Variants in PTCH1 observed in about 807,000 individuals in gnomAD.
PTCH1 encodes protein patched homolog 1.
In PTCH1, 14 loss-of-function variants were observed where a neutral mutation model predicts 144.6. The observed-to-expected ratio is 0.10, with a 90% CI of 0.06 to 0.15. The LOEUF (loss-of-function observed/expected upper bound fraction) is 0.15. Among genes scored for constraint, PTCH1 ranks in the 10% least tolerant of loss-of-function variants. PTCH1 has a pLI of 1.00. For synonymous variants in PTCH1, 833 were observed against 793.6 expected (o/e 1.05, Z -0.83); for missense variants, 1,623 against 1,948.3 (o/e 0.83, Z 3.14).
Position 95,449,389 on chromosome 9 carries a change from C to G in PTCH1, c.3550-66G>C, listed in dbSNP as rs2136604188. ...TTACCTGCTGGCCACACTCAAAGCT[C>G]AAAGCACGGTATTTTTCAGGGGCCT... On this transcript the variant is annotated intron_variant, in intron 21 of 23. Coordinates refer to ENST00000331920, the MANE Select transcript of PTCH1 (RefSeq NM_000264.5). This position sits in a 1 kb window ranked among gnomAD's most constrained non-coding sequence, Gnocchi z 5.3. 1 of 1,534,396 alleles carries G rather than the reference C, an allele frequency of 6.5e-7. No individual in the cohort carries two copies. The highest frequency in any genetic ancestry group is 8.7e-7 in the Non-Finnish European group (1 of 1,144,256).
intron 7 of PTCH1, chr9:95,479,724 C>G (rs1015854991): frequency 8.2e-6 from 5 of 611,406 alleles, no homozygotes; most frequent in Non-Finnish European, 1.1e-5. Flanking sequence ...CTCCTTAAAC[C>G]CTATAGTCAG....
At position 95,486,046 on chromosome 9, in the gene PTCH1, A is replaced by G. The variant is rs2282040; in HGVS notation, c.395-172T>C. Reference sequence around the variant, plus strand: ...ATTAATGGCAATGTTAACTTCACCAATAGTAAACATAAAAAATACTCACTA... The same window carrying G: ...ATTAATGGCAATGTTAACTTCACCAGTAGTAAACATAAAAAATACTCACTA... On this transcript the variant is annotated intron_variant, in intron 2 of 23. Coordinates refer to ENST00000331920, the MANE Select transcript of PTCH1 (RefSeq NM_000264.5). Among the ~76,000 whole-genome samples the G allele has an allele frequency of 0.1, 15,546 of 152,230 alleles. 887 individuals are homozygous for G. Among genetic ancestry groups the G allele is most frequent in the African/African-American group, 0.14 (5,774 of 41,512 alleles).
rs1588614746 is a variant in PTCH1 at position 95,482,208 on chromosome 9, T to C, written c.585-5A>G. On this transcript the variant is annotated splice_region_variant and splice_polypyrimidine_tract_variant and intron_variant, in intron 3 of 23. Transcript: ENST00000331920. The stretch of plus-strand genomic sequence containing the variant: ...AAATGTTCCAATTTCCACTGCCTAA[T>C]AAAATGAAAAGCAGAGACAAAAATT... 6.2e-7 allele frequency: 1 copy of C among 1,613,596 alleles called. No homozygotes were observed. Among genetic ancestry groups the C allele is most frequent in the Middle Eastern group, 1.6e-4 (1 of 6,062 alleles).
chr9:95,469,768 C>T (rs1328130633), intron 13 of PTCH1, 45 bp downstream of exon 13: 2 of 1,518,508 alleles, frequency 1.3e-6, no homozygotes, highest in Non-Finnish European at 1.8e-6. Flanking sequence ...TCTCACAGCA[C>T]CATTCTGCAC....
In PTCH1 at chr9:95,508,512, G is replaced by T; in HGVS notation, c.-151C>A. The T allele has an allele frequency of 9.8e-7, 1 of 1,017,266 alleles. No homozygotes were observed. Among genetic ancestry groups the T allele is most frequent in the South Asian group, 4.5e-5 (1 of 22,216 alleles). The allele number at this position is 1,017,266 out of a possible 1,614,324, so 63.0% of individuals were successfully genotyped here. ...GGCTGCTCGGGCTCGGGCTCCGGTT[G>T]ACAGACCAGCCGCTGCTGCTGCTCA... On this transcript the variant is annotated 5_prime_UTR_variant, in exon 1 of 24. Coordinates refer to ENST00000331920, the MANE Select transcript of PTCH1 (RefSeq NM_000264.5).
intron 2 of PTCH1, among the ~76,000 whole-genome samples, chr9:95,501,064 C>T (rs1464141604): frequency 6.6e-6 from 1 of 152,228 alleles, no homozygotes; most frequent in Middle Eastern, 3.2e-3. Flanking sequence ...GATTAATACT[C>T]TTGCATCTCT....
chr9:95,501,063 T>C (rs182972858), intron 2 of PTCH1, among the ~76,000 whole-genome samples: 3 of 152,360 alleles, frequency 2.0e-5, no homozygotes, highest in African/African-American at 7.2e-5. Flanking sequence ...AGATTAATAC[T>C]CTTGCATCTC....
chr9:95,464,422 T>C (rs1839816420), intron 15 of PTCH1, among the ~76,000 whole-genome samples: 1 of 152,246 alleles, frequency 6.6e-6, no homozygotes, highest in Non-Finnish European at 1.5e-5. Context: ...AGTTCTCCTC[T>C]TATGAATATT....
rs373930674 is a variant in PTCH1 at position 95,478,070 on chromosome 9, G to A, written c.1332C>T (p.Ser444=). 2.5e-5 allele frequency: 41 copies of A among 1,614,194 alleles called. No individual in the cohort carries two copies. In the South Asian group the frequency reaches 2.6e-4, roughly 10 times the overall value. ...FSDVSVIRVA[S]GYLLMLAYAC... ...CGAGCGTTACCATGAGTAAGTAGCC[G>A]CTGGCCACGCGGATGACACTGACGT... The change falls in exon 9 of 24, where the codon AGC becomes AGT. Residue 444 remains serine, a synonymous_variant. Coordinates refer to ENST00000331920, the MANE Select transcript of PTCH1 (RefSeq NM_000264.5).
intron 2 of PTCH1, among the ~76,000 whole-genome samples, chr9:95,502,940 T>C (rs1284157718): frequency 6.6e-6 from 1 of 152,186 alleles, no homozygotes; most frequent in Non-Finnish European, 1.5e-5. Flanking sequence ...AACATGCCTT[T>C]GGCAGATAGG....
chr9:95,476,406 C>G lies in PTCH1; in HGVS notation c.1603-247G>C, dbSNP rs986559793. Among the ~76,000 whole-genome samples, 5 of 152,264 alleles carry G rather than the reference C, an allele frequency of 3.3e-5. No homozygotes were observed. In the East Asian group the frequency reaches 9.6e-4, roughly 29 times the overall value. On this transcript the variant is annotated intron_variant, in intron 11 of 23. Coordinates refer to ENST00000331920, the MANE Select transcript of PTCH1 (RefSeq NM_000264.5). This position sits in a 1 kb window ranked among gnomAD's most constrained non-coding sequence, Gnocchi z 4.6. ...AAAGCTGCAAGATAATGACTTAACG[C>G]TTAAGTATAATTTTAAAAGGGAGTG...
Position 95,461,962 on chromosome 9 carries a change from C to T in PTCH1, c.2597G>A (p.Gly866Glu), listed in dbSNP as rs863224651. 3 of 1,614,220 alleles carry T rather than the reference C, an allele frequency of 1.9e-6. No homozygotes were observed. The highest frequency in any genetic ancestry group is 2.5e-6 in the Non-Finnish European group (3 of 1,180,038). Residue 866 changes from glycine (G) to glutamate (E), a missense_variant, in exon 16 of 24, where the codon GGG becomes GAG. By Grantham distance (98) the Gly-to-Glu change is moderately conservative (BLOSUM62 -2). Coordinates refer to ENST00000331920, the MANE Select transcript of PTCH1 (RefSeq NM_000264.5). The stretch of plus-strand genomic sequence containing the variant: ...CTTGTAATTGTTTGGCATGATTTTC[C>T]CGGTTTCCCAGTCACTGTCAAATGC... ...QDAFDSDWET[G>E]KIMPNNYKNG... is the part of the protein sequence containing the mutation.
In PTCH1 at chr9:95,469,851, G is replaced by A. The variant is rs145690756; in HGVS notation, c.1809C>T (p.Arg603=). Residue 603 remains arginine (R), a synonymous_variant, in exon 13 of 24, where the codon CGC becomes CGT. Coordinates refer to ENST00000331920, the MANE Select transcript of PTCH1 (RefSeq NM_000264.5). The stretch of plus-strand genomic sequence containing the variant: ...AGAAAATATCCAGTCTCCTGTCCTC[G>A]CGTCGATATAAATCCATGCTGAGAA... ...PAILSMDLYR[R]EDRRLDIFCC... 7.6e-5 allele frequency: 123 copies of A among 1,613,990 alleles called. No homozygotes were observed. The East Asian group carries it at 1.4e-3, about 18-fold the overall frequency.
chr9:95,478,434 T>C (rs1588603847), intron 8 of PTCH1, among the ~76,000 whole-genome samples: 1 of 152,166 alleles, frequency 6.6e-6, no homozygotes, highest in Non-Finnish European at 1.5e-5. Flanking sequence ...GTCGCTGGAG[T>C]TCACTCTGAG....
chr9:95,477,560 G>A lies in PTCH1; in HGVS notation c.1490C>T (p.Ala497Val). Reference sequence around the variant, plus strand: ...CTCCTTTAGTACCTGAGTTGTTGCAGCGTTAAAGGAAATTCCGATCAATGA... The same window carrying A: ...CTCCTTTAGTACCTGAGTTGTTGCAACGTTAAAGGAAATTCCGATCAATGA... ...LCSLIGISFN[A>V]ATTQVLPFLA... The change falls in exon 10 of 24, where the codon GCT becomes GTT. Residue 497 changes from alanine to valine, a missense_variant. Transcript: ENST00000331920. 6.2e-7 allele frequency: 1 copy of A among 1,614,194 alleles called. No homozygotes were observed. The highest frequency in any genetic ancestry group is 8.5e-7 in the Non-Finnish European group (1 of 1,180,040).
chr9:95,464,420 T>C (rs28535536), intron 15 of PTCH1, among the ~76,000 whole-genome samples: 18,269 of 152,244 alleles, frequency 0.12, 1,217 homozygotes, highest in African/African-American at 0.17. Context: ...GAAGTTCTCC[T>C]CTTATGAATA....
intron 3 of PTCH1, 144 bp downstream of exon 3, chr9:95,485,541 C>A: frequency 2.1e-6 from 2 of 975,444 alleles, no homozygotes; most frequent in East Asian, 2.6e-5. Flanking sequence ...GAAAAAAATC[C>A]TTTCATTGCA....
chr9:95,509,841 T>C (rs2118924088), upstream of PTCH1, among the ~76,000 whole-genome samples: 1 of 152,218 alleles, frequency 6.6e-6, no homozygotes, highest in African/African-American at 2.4e-5. Context: ...TTTCCTCTTC[T>C]CTTTTCTTTT....
intron 16 of PTCH1, among the ~76,000 whole-genome samples, chr9:95,460,896 G>A (rs917754928): frequency 1.3e-5 from 2 of 152,168 alleles, no homozygotes; most frequent in Non-Finnish European, 2.9e-5. Flanking sequence ...AAACGTGATG[G>A]TCTGCTGCCT....
Sources: allele counts gnomAD v4.1 joint callset (sites outside exome capture counted in the v4.1 genomes callset), GRCh38; gene constraint gnomAD v4.1.1; non-coding constraint Gnocchi (gnomAD v3.1); transcripts MANE v1.5; gene names NCBI Gene and HGNC (gene_info 2026-07-23, HGNC 2026-07-21).